Variants in CFHR4 observed in about 807,000 individuals in gnomAD.
CFHR4 encodes the protein complement factor H-related protein 4.
Under a neutral mutation model 69.3 loss-of-function variants are expected in CFHR4, and 64 were observed. The ratio of observed to expected loss-of-function variants is 0.92; its 90% CI spans 0.76 to 1.14. The LOEUF is 1.14. CFHR4 is among the 50% of genes most tolerant of loss of function. The probability of loss-of-function intolerance (pLI) is 0.00; values close to 1 mark genes in which losing one functional copy is unlikely to be tolerated. For synonymous variants in CFHR4, 244 were observed against 237.0 expected, an observed-to-expected ratio of 1.03 and a Z score of -0.27; for missense variants, 636 against 684.9, an observed-to-expected ratio of 0.93 and a Z score of 0.80.
intron 1 of CFHR4, among the ~76,000 whole-genome samples, chr1:196,899,292 A>T (rs997734150): frequency 6.6e-6 from 1 of 151,262 alleles, no homozygotes; most frequent in African/African-American, 2.4e-5. Flanking sequence ...TGACAGAAAA[A>T]TGTTCTTTCC....
intron 3 of CFHR4, 47 bp from the exon 4 acceptor site, chr1:196,906,814 A>G: frequency 6.4e-7 from 1 of 1,556,904 alleles, no homozygotes; most frequent in South Asian, 1.2e-5. Flanking sequence ...GTCGAGTTGT[A>G]CATCATATGG....
intron 3 of CFHR4, 21 bp from the exon 4 acceptor site, chr1:196,906,840 C>T (rs1243995738): frequency 2.5e-6 from 4 of 1,593,262 alleles, no homozygotes; most frequent in African/African-American, 2.7e-5. Flanking sequence ...AAAAGCAATC[C>T]TCAATTTTAT....
chr1:196,894,386 A>G (rs769836978), intron 1 of CFHR4, among the ~76,000 whole-genome samples: 6 of 151,492 alleles, frequency 4.0e-5, no homozygotes, highest in Non-Finnish European at 8.8e-5. Context: ...CCATGTATTT[A>G]CCTTTATTGA....
chr1:196,913,673 G>A (rs1382199223), intron 7 of CFHR4, among the ~76,000 whole-genome samples: 1 of 151,198 alleles, frequency 6.6e-6, no homozygotes, highest in African/African-American at 2.4e-5. Context: ...ATTGCCTAAT[G>A]TATTTTTAAC....
Position 196,911,903 on chromosome 1 carries a change from A to G in CFHR4, c.998-837A>G, listed in dbSNP as rs72485119. 4.6e-4 allele frequency among the ~76,000 whole-genome samples: 69 copies of G among 151,616 alleles called. 2 individuals carry two copies. The East Asian group carries it at 0.013, about 28-fold the overall frequency. ...TTAATAGGAAAGTAGGCAAGAATAG[A>G]TCAGAAAACTCATGATTATGACAAA... On this transcript the variant is annotated intron_variant, in intron 6 of 9. Coordinates refer to ENST00000608469, the MANE Select transcript of CFHR4 (RefSeq NM_001201550.3).
chr1:196,890,092 A>C (rs750684551), intron 1 of CFHR4, among the ~76,000 whole-genome samples: 8 of 151,512 alleles, frequency 5.3e-5, no homozygotes, highest in Non-Finnish European at 8.8e-5. Flanking sequence ...AAAGAATATT[A>C]ACTTAAAATA....
At chr1:196,916,814 A>T (rs1211355767) in intron 9 of CFHR4, among the ~76,000 whole-genome samples, 1 of 151,512 alleles carries the variant, frequency 6.6e-6, no homozygotes, top group Admixed American at 6.6e-5. Context: ...CTGAAGATAC[A>T]AGATCAGTTC....
chr1:196,906,746 C>T (rs1002156969), intron 3 of CFHR4, 115 bp from the exon 4 acceptor site: 2 of 1,069,002 alleles, frequency 1.9e-6, no homozygotes, highest in Non-Finnish European at 2.6e-6. Context: ...TTTAATAGTA[C>T]TCAATTTATT....
chr1:196,896,572 C>T (rs1300021226), intron 1 of CFHR4, among the ~76,000 whole-genome samples: 3 of 151,608 alleles, frequency 2.0e-5, no homozygotes, highest in Non-Finnish European at 4.4e-5. Flanking sequence ...TCTGGCTCCC[C>T]GCTGCTATGT....
In CFHR4 at chr1:196,914,556, G is replaced by T; in HGVS notation, c.1242G>T (p.Lys414Asn). The change falls in exon 8 of 10, where the codon AAG becomes AAT. Residue 414 changes from lysine (K) to asparagine (N), a missense_variant. Around this residue, in one of 3 missense-constraint regions of CFHR4, gnomAD observed 529 missense variants for 533.2 expected, o/e 0.99. Coordinates refer to ENST00000608469, the MANE Select transcript of CFHR4 (RefSeq NM_001201550.3). Reference sequence around the variant, plus strand: ...CCAAGAGTAATGGCATGCGGTTTAAGCTCCATGACACATTGGACTACGAAT... The same window carrying T: ...CCAAGAGTAATGGCATGCGGTTTAATCTCCATGACACATTGGACTACGAAT... ...SRAKSNGMRF[K>N]LHDTLDYECY... 1 of 1,610,954 alleles carries T rather than the reference G, an allele frequency of 6.2e-7. No individual in the cohort carries two copies. The highest frequency in any genetic ancestry group is 8.5e-7 in the Non-Finnish European group (1 of 1,178,736).
Position 196,918,289 on chromosome 1 carries a change from A to G in CFHR4, c.1620A>G (p.Ala540=). 1 of 1,609,938 alleles carries G rather than the reference A, an allele frequency of 6.2e-7. No individual in the cohort carries two copies. The highest frequency in any genetic ancestry group is 8.5e-7 in the Non-Finnish European group (1 of 1,177,358). Residue 540 remains alanine, a synonymous_variant, in exon 10 of 10, where the codon GCA becomes GCG. Transcript: ENST00000608469. The part of the protein sequence containing the change: ...LKGKSDIKYY[A]KTGDTIEFMC... ...GAAAAAGTGACATAAAATATTATGC[A>G]AAAACAGGGGATACCATTGAATTTA...
At chr1:196,888,310 T>C in intron 1 of CFHR4, 102 bp downstream of exon 1, 1 of 1,124,234 alleles carries the variant, frequency 8.9e-7, no homozygotes, top group Non-Finnish European at 1.3e-6. Flanking sequence ...TCTGATAGGA[T>C]ATATTCACTA....
At position 196,915,081 on chromosome 1, in the gene CFHR4, G is replaced by A. The variant is rs1004420378; in HGVS notation, c.1483G>A (p.Gly495Ser). The change falls in exon 9 of 10, where the codon GGT (glycine) becomes AGT (serine). Residue 495 changes from glycine (G) to serine (S), a missense_variant. By Grantham distance (56) the Gly-to-Ser change is moderately conservative (BLOSUM62 0). Transcript: ENST00000608469. Reference protein sequence around the residue: ...YQCQSYYELQGSNYVTCSNGE... With the variant: ...YQCQSYYELQSSNYVTCSNGE... ...ATGCCAGTCCTACTATGAACTTCAG[G>A]GTTCTAATTATGTAACATGTAGTAA... 12 of 1,613,082 alleles carry A rather than the reference G, an allele frequency of 7.4e-6. No individual in the cohort carries two copies. Among genetic ancestry groups the A allele is most frequent in the Non-Finnish European group, 1.0e-5 (12 of 1,179,828 alleles).
chr1:196,893,136 A>T (rs1055963939), intron 1 of CFHR4, among the ~76,000 whole-genome samples: 1 of 151,734 alleles, frequency 6.6e-6, no homozygotes, highest in African/African-American at 2.4e-5. Flanking sequence ...TTTTAAAATG[A>T]TTGGTTTCAA....
intron 1 of CFHR4, among the ~76,000 whole-genome samples, chr1:196,896,464 A>G (rs1657300386): frequency 6.6e-6 from 1 of 151,554 alleles, no homozygotes; most frequent in South Asian, 2.1e-4. Flanking sequence ...CCGAAAAACA[A>G]TGGCCGCCTA....
intron 6 of CFHR4, among the ~76,000 whole-genome samples, chr1:196,912,224 ACAC>A (rs1160752144): frequency 1.3e-5 from 2 of 151,310 alleles, no homozygotes; most frequent in Non-Finnish European, 2.9e-5. Flanking sequence ...TGCCTCTCAA[ACAC>A]CACGTCTATA....
Position 196,888,068 on chromosome 1 carries a change from T to C in CFHR4, c.-83T>C, listed in dbSNP as rs758463066. 3 of 1,397,330 alleles carry C rather than the reference T, an allele frequency of 2.1e-6. No homozygotes were observed. Among genetic ancestry groups the C allele is most frequent in the South Asian group, 1.2e-5 (1 of 85,706 alleles). 86.6% of individuals were successfully genotyped at this position (1,397,330 alleles called of 1,614,324 possible). A position where few individuals can be genotyped will look rare whatever the true frequency, so the allele number is the denominator to read the frequency against. On this transcript the variant is annotated 5_prime_UTR_variant, in exon 1 of 10. Transcript: ENST00000608469. ...AGTGCACTTAAATTCAGAATCACAC[T>C]TGGTAACTAATAATGAAAGATTTCA... is the stretch of plus-strand genomic sequence containing the variant.
chr1:196,888,322 G>A (rs1656836128), intron 1 of CFHR4, 114 bp downstream of exon 1: 1 of 986,224 alleles, frequency 1.0e-6, no homozygotes, highest in Admixed American at 2.0e-5. Flanking sequence ...TATTCACTAT[G>A]CTAGCAGAAG....
rs374646323 is a variant in CFHR4 at position 196,912,813 on chromosome 1, T to C, written c.1071T>C (p.Asn357=). ...AATCTTCCTCTATTTATATTTTAAATAAAGAAATACAATATAAATGTAAAC... is the reference window on the plus strand; with the variant it reads ...AATCTTCCTCTATTTATATTTTAAACAAAGAAATACAATATAAATGTAAAC... The part of the protein sequence containing the change: ...ISESSSIYIL[N]KEIQYKCKPG... Residue 357 remains asparagine, a synonymous_variant, in exon 7 of 10, where the codon AAT becomes AAC. Coordinates refer to ENST00000608469, the MANE Select transcript of CFHR4 (RefSeq NM_001201550.3). 5 of 1,602,896 alleles carry C rather than the reference T, an allele frequency of 3.1e-6. No homozygotes were observed. The highest frequency in any genetic ancestry group is 4.3e-6 in the Non-Finnish European group (5 of 1,174,996).
Sources: gnomAD v4.1 joint callset for allele counts (sites outside exome capture counted in the v4.1 genomes callset) on GRCh38, gnomAD v4.1.1 for gene constraint, gnomAD v4.1.1 regional missense constraint, MANE v1.5 for transcripts, NCBI Gene and HGNC (gene_info 2026-07-23, HGNC 2026-07-21) for gene names.